PPP2R3A: variants seen among roughly 807,000 people sequenced by gnomAD.
The protein encoded by PPP2R3A is protein phosphatase 2 regulatory subunit B''alpha.
Under a neutral mutation model 106.9 loss-of-function variants are expected in PPP2R3A, and 80 were observed. That is an observed-to-expected ratio of 0.75 (90% CI 0.62 to 0.90). The LOEUF is 0.90. Among genes scored for constraint, PPP2R3A ranks in the 40% least tolerant of loss-of-function variants. The probability of loss-of-function intolerance (pLI) is 0.00; values close to 1 mark genes in which losing one functional copy is unlikely to be tolerated. For synonymous variants in PPP2R3A, 483 were observed against 468.3 expected (o/e 1.03, Z -0.41); for missense variants, 1,386 against 1,350.4 (o/e 1.03, Z -0.41).
At chr3:136,017,130 G>T (rs189086301) in intron 2 of PPP2R3A, among the ~76,000 whole-genome samples, 1 of 152,284 alleles carries the variant, frequency 6.6e-6, no homozygotes, top group Admixed American at 6.5e-5. Context: ...GTTTAAGGAG[G>T]CTAAAGATAT....
At chr3:136,050,130 C>A (rs1174675626) in intron 5 of PPP2R3A, among the ~76,000 whole-genome samples, 1 of 152,162 alleles carries the variant, frequency 6.6e-6, no homozygotes, top group African/African-American at 2.4e-5. Context: ...GTAGCATAGA[C>A]TCTATATGTA....
chr3:136,090,952 G>C (rs1478536992), intron 10 of PPP2R3A, among the ~76,000 whole-genome samples: 1 of 152,228 alleles, frequency 6.6e-6, no homozygotes, highest in Non-Finnish European at 1.5e-5. Context: ...TATGGGAATA[G>C]ATGCTATGAA....
intron 1 of PPP2R3A, among the ~76,000 whole-genome samples, chr3:135,989,550 A>G (rs1933068495): frequency 1.3e-5 from 2 of 151,802 alleles, no homozygotes; most frequent in South Asian, 2.1e-4. Flanking sequence ...AAAGAATTCC[A>G]GATTCAGACA....
intron 5 of PPP2R3A, among the ~76,000 whole-genome samples, chr3:136,064,158 A>G (rs933061873): frequency 1.3e-5 from 2 of 151,476 alleles, no homozygotes; most frequent in African/African-American, 2.4e-5. Flanking sequence ...TGAGCAAACT[A>G]TCAAAAGGAC....
intron 13 of PPP2R3A, among the ~76,000 whole-genome samples, chr3:136,139,629 G>A (rs957541001): frequency 8.0e-5 from 12 of 149,538 alleles, no homozygotes; most frequent in African/African-American, 2.7e-4. Flanking sequence ...GGAGGCAGAG[G>A]TTGCAGTGAG....
chr3:136,045,025 C>T (rs1246859008), intron 4 of PPP2R3A, among the ~76,000 whole-genome samples: 1 of 152,178 alleles, frequency 6.6e-6, no homozygotes, highest in East Asian at 1.9e-4. Context: ...CCAAGGCTCT[C>T]CATATTCCTC....
intron 5 of PPP2R3A, chr3:136,055,199 G>A (rs1477932289): frequency 3.5e-5 from 26 of 743,718 alleles, no homozygotes; most frequent in Non-Finnish European, 5.2e-5. Context: ...AGAGATGACT[G>A]TGCAAGATAA....
intron 4 of PPP2R3A, 32 bp from the exon 5 acceptor site, chr3:136,049,227 C>G (rs373338463): frequency 1.3e-5 from 19 of 1,486,850 alleles, no homozygotes; most frequent in African/African-American, 2.8e-5. Flanking sequence ...TTCAGAGGAA[C>G]TAATCTTCCT....
chr3:135,979,705 A>G lies in PPP2R3A; in HGVS notation c.-441+13856A>G, dbSNP rs761616776. ...TTATAATAAAAGATCAGAATGTCCA[A>G]AACATACTGGGCAGACAAAAAAAAA... On this transcript the variant is annotated intron_variant, in intron 1 of 13. Transcript: ENST00000264977. Among the ~76,000 whole-genome samples, 4 of 151,884 alleles carry G rather than the reference A, an allele frequency of 2.6e-5. 1 individual carries two copies. Among genetic ancestry groups the G allele is most frequent in the African/African-American group, 7.3e-5 (3 of 41,102 alleles).
In PPP2R3A at chr3:136,003,233, A is replaced by G. The variant is rs1193282709; in HGVS notation, c.1735A>G (p.Asn579Asp). The G allele has an allele frequency of 5.6e-6, 9 of 1,613,956 alleles. No homozygotes were observed. In the East Asian group the frequency reaches 1.3e-4, roughly 24 times the overall value. Residue 579 changes from asparagine (N) to aspartate (D), a missense_variant, in exon 2 of 14, where the codon AAT becomes GAT. Transcript: ENST00000264977. ...PSCLTRIIET[N>D]GHKIEEEDRA... ...CTGTCTAACAAGGATTATTGAAACC[A>G]ATGGACACAAAATAGAGGAAGAGGA...
intron 13 of PPP2R3A, among the ~76,000 whole-genome samples, chr3:136,114,986 T>C (rs1937688762): frequency 6.6e-6 from 1 of 152,162 alleles, no homozygotes; most frequent in Admixed American, 6.5e-5. Context: ...CACCTCCCAG[T>C]AGGGGCCAAC....
Position 136,002,432 on chromosome 3 carries a change from A to C in PPP2R3A, c.934A>C (p.Ser312Arg). 6.2e-7 allele frequency: 1 copy of C among 1,613,970 alleles called. No homozygotes were observed. The highest frequency in any genetic ancestry group is 8.5e-7 in the Non-Finnish European group (1 of 1,179,834). Residue 312 changes from serine to arginine, a missense_variant, in exon 2 of 14, where the codon AGT (serine) becomes CGT (arginine). Physicochemically the swap from Ser to Arg is moderately radical, Grantham distance 110. Coordinates refer to ENST00000264977, the MANE Select transcript of PPP2R3A (RefSeq NM_002718.5). ...NEALDLTELI[S>R]NMPSLQLTPF... ...GGCTCTAGATTTAACAGAACTGATC[A>C]GTAATATGCCTAGCTTACAACTGAC...
rs113152537 is a variant in PPP2R3A at position 136,082,790 on chromosome 3, G to A, written c.2788+369G>A. On this transcript the variant is annotated intron_variant, in intron 8 of 13. Coordinates refer to ENST00000264977, the MANE Select transcript of PPP2R3A (RefSeq NM_002718.5). The stretch of plus-strand genomic sequence containing the variant: ...ACCCTTCCCACTTAACAATATTTCT[G>A]TAAAAAGCCAAGCATGAAAATAATG... Among the ~76,000 whole-genome samples the A allele has an allele frequency of 8.7e-3, 1,317 of 152,212 alleles. 27 individuals carry two copies. The highest frequency in any genetic ancestry group is 0.029 in the African/African-American group (1,195 of 41,532).
chr3:136,054,228 T>A (rs1935779919), intron 5 of PPP2R3A, among the ~76,000 whole-genome samples: 1 of 151,106 alleles, frequency 6.6e-6, no homozygotes, highest in African/African-American at 2.4e-5. Flanking sequence ...TACTTTGCCA[T>A]GACAGCTCGG....
Position 136,001,835 on chromosome 3 carries a change from G to T in PPP2R3A, c.337G>T (p.Ala113Ser), listed in dbSNP as rs778123699. ...GAATACCTACAACTTAAAGGATATTGCAGGAGAAGCAATCAGTTTTGCCAG... is the reference window on the plus strand; with the variant it reads ...GAATACCTACAACTTAAAGGATATTTCAGGAGAAGCAATCAGTTTTGCCAG... ...FQNTYNLKDI[A>S]GEAISFASGK... is the part of the protein sequence containing the mutation. Residue 113 changes from alanine (A) to serine (S), a missense_variant, in exon 2 of 14, where the codon GCA becomes TCA. By Grantham distance (99) the Ala-to-Ser change is moderately conservative. Coordinates refer to ENST00000264977, the MANE Select transcript of PPP2R3A (RefSeq NM_002718.5). 1 of 1,614,168 alleles carries T rather than the reference G, an allele frequency of 6.2e-7. No individual in the cohort carries two copies. The highest frequency in any genetic ancestry group is 8.5e-7 in the Non-Finnish European group (1 of 1,180,038).
intron 3 of PPP2R3A, among the ~76,000 whole-genome samples, chr3:136,033,220 T>C (rs1371530904): frequency 1.3e-5 from 2 of 152,254 alleles, no homozygotes; most frequent in Admixed American, 1.3e-4. Flanking sequence ...ATCCCTGATA[T>C]GAAACCCACT....
At chr3:136,020,861 G>A (rs956012257) in intron 2 of PPP2R3A, among the ~76,000 whole-genome samples, 4 of 152,090 alleles carry the variant, frequency 2.6e-5, no homozygotes, top group Non-Finnish European at 5.9e-5. Context: ...GTTAAGTGGA[G>A]TTCCTTTGAG....
chr3:136,013,375 G>T (rs572368364), intron 2 of PPP2R3A, among the ~76,000 whole-genome samples: 2 of 152,218 alleles, frequency 1.3e-5, no homozygotes, highest in East Asian at 3.9e-4. Flanking sequence ...ATACCCAGTA[G>T]TGGGATTGCT....
intron 3 of PPP2R3A, among the ~76,000 whole-genome samples, chr3:136,039,445 T>C (rs1935185909): frequency 6.6e-6 from 1 of 152,128 alleles, no homozygotes; most frequent in Non-Finnish European, 1.5e-5. Context: ...GGGACTAGCT[T>C]TGTGGAAGAC....
Sources: gnomAD v4.1 joint callset for allele counts (sites outside exome capture counted in the v4.1 genomes callset) on GRCh38, gnomAD v4.1.1 for gene constraint, MANE v1.5 for transcripts, NCBI Gene and HGNC (gene_info 2026-07-23, HGNC 2026-07-21) for gene names.